The following MRPS6 variants were observed in gnomAD, a reference collection of about 807,000 sequenced individuals.
MRPS6 encodes the protein small ribosomal subunit protein bS6m.
MRPS6 carries 6 observed loss-of-function variants against 13.1 expected under a neutral mutation model. The ratio of observed to expected loss-of-function variants is 0.46; its 90% CI spans 0.25 to 0.91. The LOEUF is 0.91. Ranked by LOEUF, MRPS6 falls within the 40% of genes least tolerant of loss-of-function variation. The pLI is 0.18. For missense variants in MRPS6, 164 were observed against 155.6 expected (o/e 1.05, Z -0.29); for synonymous variants, 61 against 56.5 (o/e 1.08, Z -0.36).
At chr21:34,132,037 TGAA>T (rs1173210210) in intron 2 of MRPS6, among the ~76,000 whole-genome samples, 16 of 152,220 alleles carry the variant, frequency 1.1e-4, no homozygotes, top group Admixed American at 6.5e-5. Context: ...CAGGAATTGG[TGAA>T]GGTCATTCCT....
chr21:34,094,550 C>G (rs1235567158), intron 1 of MRPS6, among the ~76,000 whole-genome samples: 2 of 152,086 alleles, frequency 1.3e-5, no homozygotes, highest in Non-Finnish European at 2.9e-5. Context: ...CTGTCCTAAT[C>G]TGAGCATACC....
At chr21:34,080,400 A>G (rs1989432186) in intron 1 of MRPS6, among the ~76,000 whole-genome samples, 1 of 152,144 alleles carries the variant, frequency 6.6e-6, no homozygotes, top group East Asian at 1.9e-4. Context: ...CCAGTAAACA[A>G]AGTTGTGCAG....
chr21:34,125,820 C>T (rs1168204887), intron 2 of MRPS6, among the ~76,000 whole-genome samples: 1 of 152,176 alleles, frequency 6.6e-6, no homozygotes, highest in Non-Finnish European at 1.5e-5. Context: ...TGTCCACAAA[C>T]ATAGTGTATC....
chr21:34,137,025 ATC>A (rs777260912), intron 2 of MRPS6, among the ~76,000 whole-genome samples: 3 of 152,034 alleles, frequency 2.0e-5, no homozygotes, highest in Non-Finnish European at 4.4e-5. Flanking sequence ...TAGTCTTTTG[ATC>A]TCTCTGTGTA....
chr21:34,134,146 T>A (rs1376938262), intron 2 of MRPS6, among the ~76,000 whole-genome samples: 2 of 152,206 alleles, frequency 1.3e-5, no homozygotes, highest in Non-Finnish European at 2.9e-5. Context: ...AATCAATAAT[T>A]AAATCTTGAA....
At chr21:34,139,331 T>A (rs999259814) in intron 2 of MRPS6, among the ~76,000 whole-genome samples, 6 of 151,458 alleles carry the variant, frequency 4.0e-5, no homozygotes, top group African/African-American at 1.5e-4. Context: ...AAACTTAAAG[T>A]ATAATAAAAA....
chr21:34,092,776 G>A (rs1252103372), intron 1 of MRPS6, among the ~76,000 whole-genome samples: 3 of 151,962 alleles, frequency 2.0e-5, no homozygotes, highest in Non-Finnish European at 4.4e-5. Flanking sequence ...CCCCCCAACG[G>A]CCAGATGAAA....
chr21:34,125,070 C>A, intron 1 of MRPS6: 1 of 337,654 alleles, frequency 3.0e-6, no homozygotes. Flanking sequence ...TAGTTCCTGC[C>A]TCCCAGATCC....
At position 34,103,065 on chromosome 21, in the gene MRPS6, A is replaced by T. The variant is rs947986058; in HGVS notation, c.46-22276A>T. On this transcript the variant is annotated intron_variant, in intron 1 of 2. Transcript: ENST00000399312. ...CTAGACTTCTGTAAGTGGAATGTTC[A>T]TTAGTAACTCATCTTTTTGTTGTTA... The T allele has an allele frequency of 1.0e-5, 10 of 1,000,004 alleles. No individual in the cohort carries two copies. The African/African-American group carries it at 1.7e-4, about 17-fold the overall frequency. 61.9% of individuals were successfully genotyped at this position (1,000,004 alleles called of 1,614,324 possible). A position where few individuals can be genotyped will look rare whatever the true frequency, so the allele number is the denominator to read the frequency against.
In MRPS6 at chr21:34,125,332, C is replaced by A; in HGVS notation, c.46-9C>A. 6.3e-7 allele frequency: 1 copy of A among 1,597,458 alleles called. No individual in the cohort carries two copies. Among genetic ancestry groups the A allele is most frequent in the Non-Finnish European group, 8.5e-7 (1 of 1,175,482 alleles). On this transcript the variant is annotated splice_polypyrimidine_tract_variant and intron_variant, in intron 1 of 2. Coordinates refer to ENST00000399312, the MANE Select transcript of MRPS6 (RefSeq NM_032476.4). ...TTTTTCTTTTCTTTAAAAACACAAA[C>A]AAAAACAGCCAGAGACTGCTGCTAC...
In MRPS6 at chr21:34,073,716, C is replaced by T; in HGVS notation, c.16C>T (p.Leu6=). The change falls in exon 1 of 3, where the codon CTG becomes TTG. Residue 6 remains leucine (L), a synonymous_variant. Transcript: ENST00000399312. The part of the protein sequence containing the change: MPRYE[L]ALILKAMQRP... ...TCCTCCAGGCATGCCCCGCTACGAG[C>T]TGGCTTTAATCCTGAAAGCCATGCA... 1 of 1,529,450 alleles carries T rather than the reference C, an allele frequency of 6.5e-7. No homozygotes were observed. Among genetic ancestry groups the T allele is most frequent in the Non-Finnish European group, 8.8e-7 (1 of 1,132,180 alleles). The allele number at this position is 1,529,450 out of a possible 1,614,324, so 94.7% of individuals were successfully genotyped here. A position where few individuals can be genotyped will look rare whatever the true frequency, so the allele number is the denominator to read the frequency against.
intron 1 of MRPS6, among the ~76,000 whole-genome samples, chr21:34,075,633 G>T (rs966747240): frequency 5.3e-5 from 8 of 152,226 alleles, no homozygotes; most frequent in Non-Finnish European, 1.2e-4. Flanking sequence ...ATAGAAGGTT[G>T]TAACAGTGGT....
chr21:34,098,421 T>G, intron 1 of MRPS6: 2 of 1,000,180 alleles, frequency 2.0e-6, no homozygotes, highest in South Asian at 9.4e-5. Flanking sequence ...AGGGAAAATT[T>G]AATTCTGATA....
At chr21:34,114,816 C>CT (rs1046954931) in intron 1 of MRPS6, among the ~76,000 whole-genome samples, 3 of 152,190 alleles carry the variant, frequency 2.0e-5, no homozygotes, top group African/African-American at 7.2e-5. Flanking sequence ...AGGCACATGA[C>CT]TAACTAATAT....
At chr21:34,101,729 A>G in intron 1 of MRPS6, 1 of 993,166 alleles carries the variant, frequency 1.0e-6, no homozygotes, top group Non-Finnish European at 1.2e-6. Flanking sequence ...GATCCAAATA[A>G]TGACTCATTA....
At chr21:34,108,101 G>A (rs758246454) in intron 1 of MRPS6, among the ~76,000 whole-genome samples, 7 of 152,110 alleles carry the variant, frequency 4.6e-5, no homozygotes, top group Non-Finnish European at 4.4e-5. Flanking sequence ...GTAACGTACC[G>A]TAACACGTTA....
intron 1 of MRPS6, among the ~76,000 whole-genome samples, chr21:34,076,053 C>T (rs1341094273): frequency 1.3e-5 from 2 of 152,124 alleles, no homozygotes; most frequent in Non-Finnish European, 2.9e-5. Context: ...CCTCTTTACC[C>T]CTTTAATATG....
intron 1 of MRPS6, chr21:34,104,824 C>G (rs1156534927): frequency 5.0e-6 from 5 of 999,896 alleles, no homozygotes; most frequent in Non-Finnish European, 6.0e-6. Flanking sequence ...TGTTCTGTAC[C>G]TTTACATGTT....
intron 1 of MRPS6, chr21:34,098,437 T>C (rs778490784): frequency 9.0e-6 from 9 of 999,974 alleles, no homozygotes; most frequent in Admixed American, 6.2e-5. Flanking sequence ...TGATATCTTA[T>C]TGCATCCTTG....
Sources: gnomAD v4.1 joint callset for allele counts (sites outside exome capture counted in the v4.1 genomes callset) on GRCh38, gnomAD v4.1.1 for gene constraint, MANE v1.5 for transcripts, NCBI Gene and HGNC (gene_info 2026-07-23, HGNC 2026-07-21) for gene names.